The following CAPN12 variants were observed in gnomAD, a reference collection of about 807,000 sequenced individuals.
CAPN12 encodes calpain 12.
A neutral mutation model predicts 95.0 loss-of-function variants in CAPN12; 107 were observed. That is an observed-to-expected ratio of 1.13 (90% CI 0.96 to 1.32). The LOEUF (loss-of-function observed/expected upper bound fraction) is 1.32. Ranked by LOEUF, CAPN12 falls within the 40% of genes most tolerant of loss-of-function variation. The pLI is 0.00. For missense variants in CAPN12, 1,136 were observed against 997.8 expected (o/e 1.14, Z -1.87); for synonymous variants, 505 against 415.5 (o/e 1.22, Z -2.62).
In CAPN12 at chr19:38,730,769, G is replaced by A. The variant is rs1174082800; in HGVS notation, c.*83C>T. 12 of 1,507,082 alleles carry A rather than the reference G, an allele frequency of 8.0e-6. No individual in the cohort carries two copies. The highest frequency in any genetic ancestry group is 1.7e-4 in the Middle Eastern group (1 of 5,846). The allele number at this position is 1,507,082 out of a possible 1,614,324, so 93.4% of individuals were successfully genotyped here. A position where few individuals can be genotyped will look rare whatever the true frequency, so the allele number is the denominator to read the frequency against. ...CAGACAGGTGGATGCCAGAGAGAGT[G>A]GCACCCATGCCAGGCAAGGCCTAGG... On this transcript the variant is annotated 3_prime_UTR_variant, in exon 21 of 21. Transcript: ENST00000328867.
At chr19:38,731,272 T>G (rs1568763107) in intron 18 of CAPN12, 49 bp from the exon 19 acceptor site, 1 of 1,437,694 alleles carries the variant, frequency 7.0e-7, no homozygotes, top group South Asian at 1.1e-5. Flanking sequence ...GAACCCACCT[T>G]GGCATTGCAT....
intron 14 of CAPN12, 130 bp from the exon 15 acceptor site, chr19:38,735,000 C>A: frequency 1.2e-6 from 1 of 818,904 alleles, no homozygotes. Flanking sequence ...GGAGACAGAC[C>A]TGTCCCCACA....
intron 15 of CAPN12, 45 bp downstream of exon 15, chr19:38,734,768 C>T (rs766920109): frequency 1.3e-6 from 2 of 1,579,864 alleles, no homozygotes; most frequent in African/African-American, 1.3e-5. Context: ...GTTGCAGGAC[C>T]CCTGGCTAAG....
rs759428194 is a variant in CAPN12 at position 38,731,088 on chromosome 19, A to G, written c.2074+19T>C. Reference sequence around the variant, plus strand: ...GTACCCCTTCCCCCCATGCCCCACCATGCCGGGGTGGTACTCACAGAAGAT... The same window carrying G: ...GTACCCCTTCCCCCCATGCCCCACCGTGCCGGGGTGGTACTCACAGAAGAT... On this transcript the variant is annotated intron_variant, in intron 19 of 20. Coordinates refer to ENST00000328867, the MANE Select transcript of CAPN12 (RefSeq NM_144691.4). 8 of 1,505,810 alleles carry G rather than the reference A, an allele frequency of 5.3e-6. No homozygotes were observed. The Admixed American group carries it at 1.1e-4, about 20-fold the overall frequency. The allele number at this position is 1,505,810 out of a possible 1,614,324, so 93.3% of individuals were successfully genotyped here.
intron 20 of CAPN12, 31 bp downstream of exon 20, chr19:38,730,934 T>C (rs1286271529): frequency 3.2e-6 from 5 of 1,550,368 alleles, no homozygotes; most frequent in Non-Finnish European, 4.4e-6. Context: ...GGACAGAGCC[T>C]GAGCCACCCT....
intron 3 of CAPN12, 66 bp from the exon 4 acceptor site, chr19:38,741,976 T>G: frequency 1.3e-6 from 2 of 1,581,546 alleles, no homozygotes; most frequent in Admixed American, 3.6e-5. Context: ...GCCCTGCCTC[T>G]GCTGTGCCAG....
At chr19:38,737,121 G>A in intron 10 of CAPN12, 35 bp downstream of exon 10, 2 of 1,506,336 alleles carry the variant, frequency 1.3e-6, no homozygotes, top group Non-Finnish European at 1.8e-6. Context: ...CACCCTCCGG[G>A]TTCCCTCCAG....
In CAPN12 at chr19:38,737,199, G is replaced by GCT; in HGVS notation, c.1317_1318dup (p.Ala440GlufsTer51). The GCT allele has an allele frequency of 6.5e-7, 1 of 1,549,466 alleles. No homozygotes were observed. Among genetic ancestry groups the GCT allele is most frequent in the Non-Finnish European group, 8.7e-7 (1 of 1,147,688 alleles). On this transcript the variant is annotated frameshift_variant, in exon 10 of 21. Transcript: ENST00000328867. LOFTEE classifies it high-confidence loss of function. Reference sequence around the variant, plus strand: ...AACGGTGAGGTAAGTGAGGCCCTTGGCTCTCAGGCGCCGCCGGTTGCGCTG... The same window carrying GCT: ...AACGGTGAGGTAAGTGAGGCCCTTGGCTCTCTCAGGCGCCGCCGGTTGCGCTG...
Position 38,737,197 on chromosome 19 carries a change from T to C in CAPN12, c.1321A>G (p.Lys441Glu). ...CCAACGGTGAGGTAAGTGAGGCCCT[T>C]GGCTCTCAGGCGCCGCCGGTTGCGC... ...IQRNRRRLRA[K>E]GLTYLTVGFH... Residue 441 changes from lysine (K) to glutamate (E), a missense_variant, in exon 10 of 21, where the codon AAG becomes GAG. By Grantham distance (56) the Lys-to-Glu change is moderately conservative (BLOSUM62 1). Coordinates refer to ENST00000328867, the MANE Select transcript of CAPN12 (RefSeq NM_144691.4). 1 of 1,549,244 alleles carries C rather than the reference T, an allele frequency of 6.5e-7. No individual in the cohort carries two copies. The highest frequency in any genetic ancestry group is 8.7e-7 in the Non-Finnish European group (1 of 1,147,582).
intron 15 of CAPN12, 64 bp from the exon 16 acceptor site, chr19:38,734,453 G>A: frequency 2.1e-6 from 3 of 1,414,166 alleles, no homozygotes; most frequent in South Asian, 1.3e-5. Context: ...TTAAGGGCTG[G>A]GTGGATGTGA....
At chr19:38,736,368 A>G (rs1026493969) in intron 11 of CAPN12, 50 bp from the exon 12 acceptor site, 15 of 1,462,306 alleles carry the variant, frequency 1.0e-5, no homozygotes, top group Non-Finnish European at 1.4e-5. Context: ...CCGGCCCTTC[A>G]TCCCCGCACC....
intron 14 of CAPN12, 27 bp downstream of exon 14, chr19:38,735,342 AC>A (rs764088029): frequency 1.0e-4 from 153 of 1,520,330 alleles, no homozygotes; most frequent in Admixed American, 7.4e-4. Flanking sequence ...GCAGCGGGAT[AC>A]CCCCTCAGTC....
chr19:38,735,068 G>A (rs1336498724), intron 14 of CAPN12, 198 bp from the exon 15 acceptor site: 2 of 614,108 alleles, frequency 3.3e-6, no homozygotes, highest in African/African-American at 3.7e-5. Context: ...GGGGCCAGCA[G>A]ACCGGCCTGG....
At position 38,742,480 on chromosome 19, in the gene CAPN12, C is replaced by T. The variant is rs377331214; in HGVS notation, c.356G>A (p.Arg119Gln). 1.4e-5 allele frequency: 23 copies of T among 1,613,622 alleles called. No homozygotes were observed. Among genetic ancestry groups the T allele is most frequent in the South Asian group, 9.9e-5 (9 of 91,038 alleles). Residue 119 changes from arginine to glutamine, a missense_variant, in exon 3 of 21, where the codon CGG becomes CAG. Coordinates refer to ENST00000328867, the MANE Select transcript of CAPN12 (RefSeq NM_144691.4). ...AGGAGGGACCACCCGGCGCAGGAGCCGGGGATACAGAGTAAGGGAGGCGGC... is the reference window on the plus strand; with the variant it reads ...AGGAGGGACCACCCGGCGCAGGAGCTGGGGATACAGAGTAAGGGAGGCGGC... ...AAAASLTLYP[R>Q]LLRRVVPPGQ...
In CAPN12 at chr19:38,742,468, C is replaced by T. The variant is rs766200085; in HGVS notation, c.368G>A (p.Arg123Gln). 7.4e-6 allele frequency: 12 copies of T among 1,613,776 alleles called. No individual in the cohort carries two copies. The highest frequency in any genetic ancestry group is 5.0e-5 in the Admixed American group (3 of 59,950). Reference protein sequence around the residue: ...SLTLYPRLLRRVVPPGQDFQH... With the variant: ...SLTLYPRLLRQVVPPGQDFQH... ...GAAATCCTGTCCAGGAGGGACCACC[C>T]GGCGCAGGAGCCGGGGATACAGAGT... Residue 123 changes from arginine (R) to glutamine (Q), a missense_variant, in exon 3 of 21, where the codon CGG becomes CAG. Physicochemically the swap from Arg to Gln is conservative, Grantham distance 43 (BLOSUM62 1). Transcript: ENST00000328867.
At chr19:38,736,840 T>G in intron 10 of CAPN12, 1 of 580,896 alleles carries the variant, frequency 1.7e-6, no homozygotes, top group South Asian at 2.1e-5. Context: ...CTCGTCCCTC[T>G]GTCTGTCCCT....
At chr19:38,736,915 A>AGCCCCCTACTC (rs1291154873) in intron 10 of CAPN12, 1 of 210,552 alleles carries the variant, frequency 4.7e-6, no homozygotes, top group Non-Finnish European at 8.0e-6. Context: ...CAGCCCTACT[A>AGCCCCCTACTC]GCCCCCTACT....
chr19:38,736,284 G>T lies in CAPN12; in HGVS notation c.1409C>A (p.Ala470Glu). The change falls in exon 12 of 21, where the codon GCG (alanine) becomes GAG (glutamate). Residue 470 changes from alanine to glutamate, a missense_variant. Transcript: ENST00000328867. ...LGLWDSPRSH[A>E]LLPRLLRADR... ...GGCGCGCAGCAGCCGGGGCAGGAGC[G>T]CATGGCTGCGCGGGGAATCCCAGAG... The T allele has an allele frequency of 2.1e-6, 3 of 1,445,662 alleles. No homozygotes were observed. Among genetic ancestry groups the T allele is most frequent in the South Asian group, 1.5e-5 (1 of 68,600 alleles). 89.6% of individuals were successfully genotyped at this position (1,445,662 alleles called of 1,614,324 possible). A position where few individuals can be genotyped will look rare whatever the true frequency, so the allele number is the denominator to read the frequency against.
rs994175155 is a variant in CAPN12 at position 38,734,726 on chromosome 19, G to A, written c.1744+87C>T. 3.3e-6 allele frequency: 4 copies of A among 1,224,540 alleles called. No individual in the cohort carries two copies. In the Admixed American group the frequency reaches 8.4e-5, roughly 26 times the overall value. 75.9% of individuals were successfully genotyped at this position (1,224,540 alleles called of 1,614,324 possible). A position where few individuals can be genotyped will look rare whatever the true frequency, so the allele number is the denominator to read the frequency against. On this transcript the variant is annotated intron_variant, in intron 15 of 20. Coordinates refer to ENST00000328867, the MANE Select transcript of CAPN12 (RefSeq NM_144691.4). ...TGAGCCCAACTCCCAGCAGCGCGGT[G>A]GGTTCATAGACATAGGGTGGCACCG...
Sources: allele counts gnomAD v4.1 joint callset, GRCh38; gene constraint gnomAD v4.1.1; transcripts MANE v1.5; gene names NCBI Gene and HGNC (gene_info 2026-07-23, HGNC 2026-07-21).